CFAP251: variants seen among roughly 807,000 people sequenced by gnomAD.
The protein encoded by CFAP251 is cilia and flagella associated protein 251.
In CFAP251, 93 loss-of-function variants were observed where a neutral mutation model predicts 126.7. The ratio of observed to expected loss-of-function variants is 0.73; its 90% CI spans 0.62 to 0.87. The LOEUF is 0.87. CFAP251 is among the 40% of genes least tolerant of loss of function. The pLI is 0.00. For missense variants in CFAP251, 1,287 were observed against 1,389.2 expected, an observed-to-expected ratio of 0.93 and a Z score of 1.17; for synonymous variants, 503 against 506.9, an observed-to-expected ratio of 0.99 and a Z score of 0.10.
intron 19 of CFAP251, among the ~76,000 whole-genome samples, chr12:121,992,769 C>G (rs1314891210): frequency 1.3e-5 from 2 of 151,992 alleles, no homozygotes; most frequent in Non-Finnish European, 2.9e-5. Flanking sequence ...TTTGTAGAGA[C>G]AGGATTTCAC....
In CFAP251 at chr12:121,982,712, T is replaced by A. The variant is rs147308453; in HGVS notation, c.3006+7027T>A. On this transcript the variant is annotated intron_variant, in intron 19 of 21. Transcript: ENST00000288912. ...GAGTTTAATCCCTGGGCTGTCCTGC[T>A]TTGTTGGTGAGGTGTTTAGCCCTGG... Among the ~76,000 whole-genome samples the A allele has an allele frequency of 6.5e-3, 997 of 152,284 alleles. 12 individuals are homozygous for A. The highest frequency in any genetic ancestry group is 7.7e-3 in the Non-Finnish European group (521 of 68,012).
intron 15 of CFAP251, among the ~76,000 whole-genome samples, chr12:121,963,239 C>T (rs933130193): frequency 9.2e-5 from 14 of 152,040 alleles, no homozygotes; most frequent in Non-Finnish European, 1.2e-4. Flanking sequence ...AAGCGAACAG[C>T]GTTTGCTAAT....
chr12:121,990,408 G>A (rs1194563624), intron 19 of CFAP251, among the ~76,000 whole-genome samples: 2 of 152,236 alleles, frequency 1.3e-5, no homozygotes, highest in Admixed American at 6.5e-5. Context: ...CTTAGGTTAT[G>A]TAGGGGAGAG....
intron 7 of CFAP251, among the ~76,000 whole-genome samples, chr12:121,944,506 T>C (rs545055194): frequency 2.3e-4 from 35 of 152,354 alleles, no homozygotes; most frequent in African/African-American, 7.2e-4. Context: ...TGTCTTCCAA[T>C]CCATGAGCAT....
At chr12:121,950,895 T>C (rs543368057) in intron 8 of CFAP251, 1 of 151,962 alleles carries the variant, frequency 6.6e-6, no homozygotes, top group South Asian at 2.1e-4. Flanking sequence ...CAAATTCGAA[T>C]TCTCTATTAA....
chr12:122,000,044 T>A, intron 20 of CFAP251, 100 bp downstream of exon 20: 1 of 1,113,442 alleles, frequency 9.0e-7, no homozygotes, highest in Non-Finnish European at 1.3e-6. Flanking sequence ...CCATCTTTCA[T>A]GAAAGAGGTG....
chr12:121,978,150 TG>T (rs1882516159), intron 19 of CFAP251, among the ~76,000 whole-genome samples: 1 of 151,018 alleles, frequency 6.6e-6, no homozygotes, highest in Non-Finnish European at 1.5e-5. Context: ...CCCAGCACTT[TG>T]GGAGGCCGAG....
chr12:121,924,682 G>A (rs1308415996), intron 3 of CFAP251, among the ~76,000 whole-genome samples: 2 of 149,818 alleles, frequency 1.3e-5, no homozygotes, highest in African/African-American at 4.9e-5. Context: ...CGCCCACCTC[G>A]GCCTCCCAAA....
At position 121,989,379 on chromosome 12, in the gene CFAP251, G is replaced by C. The variant is rs917778469; in HGVS notation, c.3007-10337G>C. 6.6e-6 allele frequency among the ~76,000 whole-genome samples: 1 copy of C among 152,216 alleles called. No homozygotes were observed. Among genetic ancestry groups the C allele is most frequent in the East Asian group, 1.9e-4 (1 of 5,194 alleles). ...CTTGGCTGCTGTCACCTGAGACTGC[G>C]TCCAGAGGGCAGAACTGTGCATGCA... is the stretch of plus-strand genomic sequence containing the variant. On this transcript the variant is annotated intron_variant, in intron 19 of 21. Transcript: ENST00000288912. The surrounding 1 kb of genome is among the most constrained non-coding windows in gnomAD (Gnocchi z 4.2).
At chr12:121,987,702 C>T (rs558081611) in intron 19 of CFAP251, among the ~76,000 whole-genome samples, 17 of 137,948 alleles carry the variant, frequency 1.2e-4, no homozygotes, top group African/African-American at 3.8e-4. Flanking sequence ...GCAAGAAAAG[C>T]GAGACTCCGT....
intron 3 of CFAP251, among the ~76,000 whole-genome samples, chr12:121,927,415 A>C (rs1460907993): frequency 6.6e-6 from 1 of 151,884 alleles, no homozygotes; most frequent in Non-Finnish European, 1.5e-5. Flanking sequence ...CTCCTGCCTC[A>C]GCCTCTCATG....
intron 19 of CFAP251, among the ~76,000 whole-genome samples, chr12:121,992,945 C>T (rs1163868694): frequency 2.3e-5 from 2 of 88,808 alleles, no homozygotes; most frequent in South Asian, 6.6e-4. Flanking sequence ...ATCACAAGAG[C>T]TCTCCCTCTC....
In CFAP251 at chr12:121,975,467, T is replaced by C; in HGVS notation, c.2863-75T>C. The C allele has an allele frequency of 1.9e-6, 3 of 1,589,640 alleles. 1 individual carries two copies. The South Asian group carries it at 3.4e-5, about 18-fold the overall frequency. ...AGCTTAAAAGGTACTTTCTAGAAAA[T>C]GTCCTTGAAGTGTTCATGGATGCTT... On this transcript the variant is annotated intron_variant, in intron 18 of 21. Coordinates refer to ENST00000288912, the MANE Select transcript of CFAP251 (RefSeq NM_144668.6).
At chr12:121,986,632 G>C (rs1882755459) in intron 19 of CFAP251, among the ~76,000 whole-genome samples, 1 of 150,118 alleles carries the variant, frequency 6.7e-6, no homozygotes, top group South Asian at 2.1e-4. Context: ...GGATGTAGTG[G>C]CTCACGCCTG....
chr12:121,986,353 A>G (rs1369485699), intron 19 of CFAP251, among the ~76,000 whole-genome samples: 1 of 147,614 alleles, frequency 6.8e-6, no homozygotes, highest in Non-Finnish European at 1.5e-5. Flanking sequence ...GCTGCAGCGC[A>G]GTGGCACGAT....
chr12:121,956,414 A>G (rs1403870363), intron 10 of CFAP251, among the ~76,000 whole-genome samples: 1 of 152,222 alleles, frequency 6.6e-6, no homozygotes, highest in Non-Finnish European at 1.5e-5. Context: ...TAGTCAAGCC[A>G]CATGGCCCTG....
At chr12:121,954,557 G>A (rs1404082919) in intron 10 of CFAP251, among the ~76,000 whole-genome samples, 2 of 141,292 alleles carry the variant, frequency 1.4e-5, no homozygotes, top group Non-Finnish European at 3.0e-5. Context: ...GATTGCTTGA[G>A]CCCAGGAGTT....
At chr12:121,919,112 C>T (rs1288563089) in intron 1 of CFAP251, among the ~76,000 whole-genome samples, 1 of 37,626 alleles carries the variant, frequency 2.7e-5, no homozygotes, top group Non-Finnish European at 5.3e-5. Flanking sequence ...CTCATTTATC[C>T]ATTCATTATT....
At chr12:121,997,212 C>G (rs1883037776) in intron 19 of CFAP251, 1 of 152,196 alleles carries the variant, frequency 6.6e-6, no homozygotes, top group Non-Finnish European at 1.5e-5. Context: ...CACGAGGGAA[C>G]AGCACATGCG....
Sources: allele counts gnomAD v4.1 joint callset (sites outside exome capture counted in the v4.1 genomes callset), GRCh38; gene constraint gnomAD v4.1.1; non-coding constraint Gnocchi (gnomAD v3.1); transcripts MANE v1.5; gene names NCBI Gene and HGNC (gene_info 2026-07-23, HGNC 2026-07-21).